COL13A1: variants seen among roughly 807,000 people sequenced by gnomAD.
COL13A1 encodes collagen type XIII alpha 1 chain, also known as collagen alpha-1(XIII) chain.
In COL13A1, 89 loss-of-function variants were observed where a neutral mutation model predicts 130.9. That is an observed-to-expected ratio of 0.68 (90% CI 0.57 to 0.81). COL13A1 has a LOEUF of 0.81. COL13A1 is among the 30% of genes least tolerant of loss of function. The probability of loss-of-function intolerance (pLI) is 0.00; values close to 1 mark genes in which losing one functional copy is unlikely to be tolerated. For missense variants in COL13A1, 879 were observed against 934.6 expected, an observed-to-expected ratio of 0.94 and a Z score of 0.78; for synonymous variants, 402 against 341.6, an observed-to-expected ratio of 1.18 and a Z score of -1.95.
At chr10:69,868,340 C>T (rs1002898151) in intron 3 of COL13A1, among the ~76,000 whole-genome samples, 8 of 152,104 alleles carry the variant, frequency 5.3e-5, no homozygotes, top group Admixed American at 3.3e-4. Flanking sequence ...TAAGAGAGAG[C>T]GGTGTCAGCC....
chr10:69,921,906 C>G lies in COL13A1; in HGVS notation c.1114C>G (p.Pro372Ala). 1 of 1,607,210 alleles carries G rather than the reference C, an allele frequency of 6.2e-7. No individual in the cohort carries two copies. Among genetic ancestry groups the G allele is most frequent in the East Asian group, 2.2e-5 (1 of 44,638 alleles). ...GGGTGAGAAGGGGGCTGAAGGCTCCCCTGGGCTTCCTGGCCTCCTGGGGCA... is the reference window on the plus strand; with the variant it reads ...GGGTGAGAAGGGGGCTGAAGGCTCCGCTGGGCTTCCTGGCCTCCTGGGGCA... ...QRGEKGAEGS[P>A]GLPGLLGQKG... is the part of the protein sequence containing the mutation. Residue 372 changes from proline to alanine, a missense_variant, in exon 22 of 41, where the codon CCT (proline) becomes GCT (alanine). Pro to Ala is a conservative substitution (Grantham distance 27). Around this residue, in one of 3 missense-constraint regions of COL13A1, gnomAD observed 715 missense variants for 721.0 expected, o/e 0.99. Coordinates refer to ENST00000645393, the MANE Select transcript of COL13A1 (RefSeq NM_001368882.1).
chr10:69,854,652 T>G (rs966749609), intron 2 of COL13A1, among the ~76,000 whole-genome samples: 2 of 152,042 alleles, frequency 1.3e-5, no homozygotes, highest in African/African-American at 4.8e-5. Context: ...TTCTTTCACT[T>G]GCAGTTGTAC....
intron 27 of COL13A1, among the ~76,000 whole-genome samples, chr10:69,927,716 C>G (rs187477618): frequency 1.3e-5 from 2 of 152,154 alleles, no homozygotes; most frequent in African/African-American, 2.4e-5. Flanking sequence ...TTTCAATTCA[C>G]CTAATATTTT....
At chr10:69,948,026 G>A (rs1455006243) in intron 38 of COL13A1, among the ~76,000 whole-genome samples, 1 of 152,208 alleles carries the variant, frequency 6.6e-6, no homozygotes, top group Non-Finnish European at 1.5e-5. Flanking sequence ...ACCAAGAGAT[G>A]GCCTTTGGGT....
At chr10:69,924,334 G>GA (rs1330455801) in intron 24 of COL13A1, among the ~76,000 whole-genome samples, 1 of 152,058 alleles carries the variant, frequency 6.6e-6, no homozygotes, top group Non-Finnish European at 1.5e-5. Context: ...CTTTATCCCA[G>GA]AAAAATTGAA....
chr10:69,909,720 T>C (rs954475312), intron 17 of COL13A1, among the ~76,000 whole-genome samples: 1 of 152,228 alleles, frequency 6.6e-6, no homozygotes, highest in African/African-American at 2.4e-5. Flanking sequence ...GGACAGCAGA[T>C]ATCTTGACCC....
At chr10:69,924,782 T>C (rs1194041227) in intron 24 of COL13A1, among the ~76,000 whole-genome samples, 181 bp from the exon 25 acceptor site, 1 of 151,802 alleles carries the variant, frequency 6.6e-6, no homozygotes, top group Non-Finnish European at 1.5e-5. Context: ...CCAGAGGGAC[T>C]CAGAGGGACA....
intron 40 of COL13A1, among the ~76,000 whole-genome samples, chr10:69,957,324 C>T (rs540169122): frequency 6.6e-6 from 1 of 152,314 alleles, no homozygotes; most frequent in South Asian, 2.1e-4. Context: ...AGTGTCTTTC[C>T]CCCAAGGAAC....
chr10:69,826,867 A>G (rs1847629007), intron 2 of COL13A1, among the ~76,000 whole-genome samples: 1 of 152,058 alleles, frequency 6.6e-6, no homozygotes, highest in Non-Finnish European at 1.5e-5. Flanking sequence ...CCCCATGACC[A>G]ACACAAAAGG....
At chr10:69,934,331 TA>T (rs1457912848) in intron 31 of COL13A1, among the ~76,000 whole-genome samples, 1 of 152,222 alleles carries the variant, frequency 6.6e-6, no homozygotes, top group African/African-American at 2.4e-5. Flanking sequence ...AAACTTTTGT[TA>T]AAAATGGGAA....
chr10:69,931,724 G>A (rs1003976754), intron 30 of COL13A1, among the ~76,000 whole-genome samples: 5 of 152,164 alleles, frequency 3.3e-5, no homozygotes, highest in Admixed American at 1.3e-4. Flanking sequence ...CAGCCTCCCC[G>A]AGTTGACCCC....
At chr10:69,895,340 G>A (rs1366135166) in intron 12 of COL13A1, among the ~76,000 whole-genome samples, 1 of 152,176 alleles carries the variant, frequency 6.6e-6, no homozygotes, top group Non-Finnish European at 1.5e-5. Context: ...GCCACTTCCA[G>A]GCAGGCCATG....
chr10:69,920,416 T>C (rs2064494909), intron 21 of COL13A1, among the ~76,000 whole-genome samples: 1 of 152,212 alleles, frequency 6.6e-6, no homozygotes, highest in Non-Finnish European at 1.5e-5. Flanking sequence ...TATTGGACAC[T>C]GCTGTGCACT....
In COL13A1 at chr10:69,925,603, C is replaced by G. The variant is rs541088070; in HGVS notation, c.1330-201C>G. ...CCAGGTCGGCCTAGCCCAGACTTCTCACATGGAGTCTTCTCGATTTGTTCT... is the reference window on the plus strand; with the variant it reads ...CCAGGTCGGCCTAGCCCAGACTTCTGACATGGAGTCTTCTCGATTTGTTCT... On this transcript the variant is annotated intron_variant, in intron 25 of 40. Coordinates refer to ENST00000645393, the MANE Select transcript of COL13A1 (RefSeq NM_001368882.1). Among the ~76,000 whole-genome samples the G allele has an allele frequency of 1.5e-4, 23 of 152,338 alleles. No homozygotes were observed. The South Asian group carries it at 4.4e-3, about 29-fold the overall frequency.
intron 14 of COL13A1, 92 bp from the exon 15 acceptor site, chr10:69,902,656 A>C: frequency 9.9e-7 from 1 of 1,008,652 alleles, no homozygotes; most frequent in Non-Finnish European, 1.4e-6. Context: ...CAGAAATCAC[A>C]GCAGGCCTTC....
intron 26 of COL13A1, among the ~76,000 whole-genome samples, chr10:69,926,205 T>C (rs952146496): frequency 1.3e-5 from 2 of 152,220 alleles, no homozygotes; most frequent in Non-Finnish European, 2.9e-5. Context: ...TGGGGCCCCA[T>C]TTCTTTAATG....
chr10:69,918,145 G>A, intron 18 of COL13A1, 140 bp from the exon 19 acceptor site: 1 of 637,724 alleles, frequency 1.6e-6, no homozygotes, highest in Non-Finnish European at 2.7e-6. Flanking sequence ...CTCCCAGGTG[G>A]GGTTGGTGGT....
intron 2 of COL13A1, among the ~76,000 whole-genome samples, chr10:69,861,663 T>C (rs1858123159): frequency 6.6e-6 from 1 of 152,200 alleles, no homozygotes; most frequent in Non-Finnish European, 1.5e-5. Flanking sequence ...CAGGTGGCTC[T>C]AGTTTCCAGG....
chr10:69,865,038 G>T (rs1460823055), intron 2 of COL13A1, among the ~76,000 whole-genome samples: 1 of 152,258 alleles, frequency 6.6e-6, no homozygotes, highest in East Asian at 1.9e-4. Flanking sequence ...AAATGTGGTA[G>T]TACGGGCAGT....
Sources: gnomAD v4.1 joint callset for allele counts (sites outside exome capture counted in the v4.1 genomes callset) on GRCh38, gnomAD v4.1.1 for gene constraint, gnomAD v4.1.1 regional missense constraint, MANE v1.5 for transcripts, NCBI Gene and HGNC (gene_info 2026-07-23, HGNC 2026-07-21) for gene names.